Variants in C1orf21 observed in about 807,000 individuals in gnomAD.
C1orf21 encodes the protein chromosome 1 open reading frame 21.
In C1orf21, 3 loss-of-function variants were observed where a neutral mutation model predicts 18.7. The ratio of observed to expected loss-of-function variants is 0.16; its 90% CI spans 0.07 to 0.42. The LOEUF is 0.42. Among genes scored for constraint, C1orf21 ranks in the 10% least tolerant of loss-of-function variants. The pLI, the probability that C1orf21 is intolerant of heterozygous loss-of-function variation, is 0.99. For synonymous variants in C1orf21, 41 were observed against 46.4 expected, an observed-to-expected ratio of 0.88 and a Z score of 0.47; for missense variants, 104 against 143.6, an observed-to-expected ratio of 0.72 and a Z score of 1.41.
chr1:184,411,635 G>A (rs931656308), intron 1 of C1orf21, among the ~76,000 whole-genome samples: 2 of 152,096 alleles, frequency 1.3e-5, no homozygotes, highest in Non-Finnish European at 2.9e-5. Context: ...TGTTAGCCAG[G>A]ATGGTCTGGA....
At chr1:184,607,949 G>T (rs1269477624) in intron 5 of C1orf21, among the ~76,000 whole-genome samples, 1 of 151,978 alleles carries the variant, frequency 6.6e-6, no homozygotes, top group Non-Finnish European at 1.5e-5. Flanking sequence ...TTTACAAATG[G>T]CATGTGTTTT....
intron 2 of C1orf21, among the ~76,000 whole-genome samples, chr1:184,491,058 C>A (rs1178764763): frequency 6.6e-6 from 1 of 151,956 alleles, no homozygotes; most frequent in Non-Finnish European, 1.5e-5. Flanking sequence ...AAAATTGGAA[C>A]CTACCTCATA....
chr1:184,518,102 T>G (rs1245990004), intron 3 of C1orf21, among the ~76,000 whole-genome samples: 2 of 152,172 alleles, frequency 1.3e-5, no homozygotes, highest in Non-Finnish European at 1.5e-5. Context: ...CAGCTAGCAT[T>G]TTTGTGTTAC....
intron 1 of C1orf21, among the ~76,000 whole-genome samples, chr1:184,445,621 G>GA (rs1253632288): frequency 6.6e-6 from 1 of 150,622 alleles, no homozygotes; most frequent in Non-Finnish European, 1.5e-5. Context: ...TGTAGATATT[G>GA]AAAAAAAAAT....
chr1:184,520,181 A>AT (rs1226911759), intron 3 of C1orf21, among the ~76,000 whole-genome samples: 1 of 152,144 alleles, frequency 6.6e-6, no homozygotes, highest in Admixed American at 6.5e-5. Context: ...TGACAACAAT[A>AT]TTTCCCAAAA....
chr1:184,496,782 A>G (rs1657900804), intron 2 of C1orf21, among the ~76,000 whole-genome samples: 1 of 152,238 alleles, frequency 6.6e-6, no homozygotes, highest in Admixed American at 6.5e-5. Context: ...TTGTTTATAC[A>G]GAATTATGTA....
At chr1:184,512,822 C>A (rs1658170419) in intron 3 of C1orf21, among the ~76,000 whole-genome samples, 1 of 151,980 alleles carries the variant, frequency 6.6e-6, no homozygotes, top group African/African-American at 2.4e-5. Context: ...CAGTCGGTGG[C>A]CTGTTAGAAA....
chr1:184,445,621 GA>G (rs1253632288), intron 1 of C1orf21, among the ~76,000 whole-genome samples: 1 of 150,622 alleles, frequency 6.6e-6, no homozygotes, highest in East Asian at 1.9e-4. Flanking sequence ...TGTAGATATT[GA>G]AAAAAAAATT....
At chr1:184,396,727 C>T (rs951485856) in intron 1 of C1orf21, among the ~76,000 whole-genome samples, 1 of 152,166 alleles carries the variant, frequency 6.6e-6, no homozygotes, top group Non-Finnish European at 1.5e-5. Context: ...CTATTCTACC[C>T]TCTTACCACA....
rs1300212650 is a variant in C1orf21, at chr1:184,460,617, G to GTCTTCTTCTTCTTCTTCT, written c.-124-16767_-124-16766insTTCTTCTTCTTCTTCTTC. ...GAGTTGGGCTGTTAGTATTGTCGTC[G>GTCTTCTTCTTCTTCTTCT]TCGTCTTCTTCTTCTTCTTCTTCTT... On this transcript the variant is annotated intron_variant, in intron 1 of 5. Coordinates refer to ENST00000235307, the MANE Select transcript of C1orf21 (RefSeq NM_030806.4). 4.0e-4 allele frequency among the ~76,000 whole-genome samples: 47 copies of GTCTTCTTCTTCTTCTTCT among 116,546 alleles called. 1 individual carries two copies. The highest frequency in any genetic ancestry group is 1.5e-3 in the African/African-American group (41 of 27,946). 76.5% of individuals were successfully genotyped at this position (116,546 alleles called of 152,430 possible).
chr1:184,418,260 C>A (rs1330031204), intron 1 of C1orf21, among the ~76,000 whole-genome samples: 1 of 152,076 alleles, frequency 6.6e-6, no homozygotes, highest in Admixed American at 6.6e-5. Context: ...ACTCTGTCTC[C>A]CAGGGCTGGA....
intron 1 of C1orf21, among the ~76,000 whole-genome samples, chr1:184,470,272 A>T (rs1195144674): frequency 2.0e-5 from 3 of 152,130 alleles, no homozygotes; most frequent in Non-Finnish European, 4.4e-5. Context: ...AGTGTTGTCC[A>T]CCTGGCATAG....
chr1:184,439,115 G>A (rs1338581612), intron 1 of C1orf21, among the ~76,000 whole-genome samples: 1 of 152,114 alleles, frequency 6.6e-6, no homozygotes, highest in South Asian at 2.1e-4. Context: ...GGAGGCTGAG[G>A]CAGGAGAATC....
At chr1:184,452,471 A>G (rs942243163) in intron 1 of C1orf21, among the ~76,000 whole-genome samples, 2 of 152,184 alleles carry the variant, frequency 1.3e-5, no homozygotes, top group Non-Finnish European at 2.9e-5. Flanking sequence ...AGAATTAAAG[A>G]TTGCACCAGA....
intron 3 of C1orf21, among the ~76,000 whole-genome samples, chr1:184,581,789 A>T (rs1181230319): frequency 6.6e-6 from 1 of 152,190 alleles, no homozygotes; most frequent in African/African-American, 2.4e-5. Context: ...TTGAAAAGCA[A>T]CTTTGTGAAA....
At chr1:184,585,725 G>A (rs577312694) in intron 3 of C1orf21, among the ~76,000 whole-genome samples, 3 of 152,246 alleles carry the variant, frequency 2.0e-5, no homozygotes, top group African/African-American at 7.2e-5. Context: ...GCGATATTTG[G>A]TTTTTGTTTC....
chr1:184,617,631 C>T (rs2102012473), intron 5 of C1orf21, among the ~76,000 whole-genome samples: 1 of 152,284 alleles, frequency 6.6e-6, no homozygotes, highest in African/African-American at 2.4e-5. Flanking sequence ...GTACACACTC[C>T]TTATGTCAGG....
chr1:184,540,268 A>G (rs919642782), intron 3 of C1orf21, among the ~76,000 whole-genome samples: 1 of 152,222 alleles, frequency 6.6e-6, no homozygotes, highest in Non-Finnish European at 1.5e-5. Context: ...TTGTTCTTTC[A>G]TGGTAGTTAG....
intron 3 of C1orf21, among the ~76,000 whole-genome samples, chr1:184,548,409 C>CTTTT (rs35619860): frequency 1.2e-3 from 146 of 117,828 alleles, no homozygotes; most frequent in East Asian, 2.4e-3. Flanking sequence ...ATTGCAGACT[C>CTTTT]TTTTTTTTTT....
Sources: allele counts gnomAD v4.1 joint callset (sites outside exome capture counted in the v4.1 genomes callset), GRCh38; gene constraint gnomAD v4.1.1; transcripts MANE v1.5; gene names NCBI Gene and HGNC (gene_info 2026-07-23, HGNC 2026-07-21).